RASEF: variants seen among roughly 807,000 people sequenced by gnomAD.
RASEF encodes ras and EF-hand domain-containing protein.
Under a neutral mutation model 90.1 loss-of-function variants are expected in RASEF, and 68 were observed. That is an observed-to-expected ratio of 0.75 (90% CI 0.62 to 0.92). The LOEUF (loss-of-function observed/expected upper bound fraction) is 0.92. Among genes scored for constraint, RASEF ranks in the 40% least tolerant of loss-of-function variants. The pLI, the probability that RASEF is intolerant of heterozygous loss-of-function variation, is 0.00. For missense variants in RASEF, 949 were observed against 937.2 expected (o/e 1.01, Z -0.16); for synonymous variants, 331 against 345.2 (o/e 0.96, Z 0.46).
rs1433728029 is a variant in RASEF, at chr9:82,981,420, CAT to C, written c.*1255_*1256del. On this transcript the variant is annotated 3_prime_UTR_variant, in exon 17 of 17. Transcript: ENST00000376447. ...TCTTTCAAGGATATTATTTCAAAACCATGCATAGAATTTCTTTCATTGATTAT... is the reference window on the plus strand; with the variant it reads ...TCTTTCAAGGATATTATTTCAAAACCGCATAGAATTTCTTTCATTGATTAT... 1 of 152,158 alleles carries C rather than the reference CAT, an allele frequency of 6.6e-6. No homozygotes were observed. Among genetic ancestry groups the C allele is most frequent in the Non-Finnish European group, 1.5e-5 (1 of 68,042 alleles). The allele number at this position is 152,158 out of a possible 1,614,324, so 9.4% of individuals were successfully genotyped here. A position where few individuals can be genotyped will look rare whatever the true frequency, so the allele number is the denominator to read the frequency against.
At chr9:83,160,263 G>A in the RASEF span, among the ~76,000 whole-genome samples, 2 of 152,180 alleles carry the variant, frequency 1.3e-5, no homozygotes, top group Non-Finnish European at 2.9e-5. Context: ...GAACTCCCTA[G>A]AGACTTGTTG....
At chr9:83,176,312 A>G in the RASEF span, among the ~76,000 whole-genome samples, 2 of 152,138 alleles carry the variant, frequency 1.3e-5, no homozygotes, top group African/African-American at 2.4e-5. Context: ...TAGCCACTCT[A>G]GCTTTCTTGT....
At chr9:82,984,549 C>G (rs1828677283) in intron 16 of RASEF, among the ~76,000 whole-genome samples, 2 of 152,178 alleles carry the variant, frequency 1.3e-5, no homozygotes, top group African/African-American at 4.8e-5. Context: ...CAGACACACA[C>G]ACCCGACAGG....
chr9:83,168,357 GT>G, the RASEF span, among the ~76,000 whole-genome samples: 120 of 151,998 alleles, frequency 7.9e-4, no homozygotes, highest in African/African-American at 2.8e-3. Context: ...GTTATTTGTG[GT>G]TTTTTTATTT....
Position 83,012,401 on chromosome 9 carries a change from G to T in RASEF, c.843+33C>A, listed in dbSNP as rs778652559. 6 of 1,180,156 alleles carry T rather than the reference G, an allele frequency of 5.1e-6. No individual in the cohort carries two copies. In the East Asian group the frequency reaches 8.0e-5, roughly 16 times the overall value. The allele number at this position is 1,180,156 out of a possible 1,614,324, so 73.1% of individuals were successfully genotyped here. On this transcript the variant is annotated intron_variant, in intron 5 of 16. Coordinates refer to ENST00000376447, the MANE Select transcript of RASEF (RefSeq NM_152573.4). ...GCATGAGGATGTGGTCTAACAGGAA[G>T]TGCATTTCTGTAAGTGAAAAGGTAA...
At chr9:83,181,525 G>A in the RASEF span, among the ~76,000 whole-genome samples, 2,380 of 152,240 alleles carry the variant, frequency 0.016, 68 homozygotes, top group African/African-American at 0.055. Flanking sequence ...GACCTAAAGC[G>A]GGGATTAGGA....
chr9:83,193,901 T>A, the RASEF span, among the ~76,000 whole-genome samples: 1 of 152,070 alleles, frequency 6.6e-6, no homozygotes, highest in African/African-American at 2.4e-5. Flanking sequence ...GATCAAGGAG[T>A]CAGCCTATGA....
chr9:83,025,210 T>G (rs72740865), intron 2 of RASEF, among the ~76,000 whole-genome samples: 5,805 of 152,168 alleles, frequency 0.038, 156 homozygotes, highest in Non-Finnish European at 0.052. Context: ...GGCTTTCAGT[T>G]CAAAGGGGGA....
chr9:83,052,508 T>C (rs199968000), intron 1 of RASEF, among the ~76,000 whole-genome samples: 17,830 of 35,902 alleles, frequency 0.5, 4,483 homozygotes, highest in East Asian at 0.7. Context: ...CTGGATTCAT[T>C]GATTTTTTGA....
rs377118496 is a variant in RASEF at position 82,982,735 on chromosome 9, T to C, written c.2165A>G (p.Asn722Ser). The change falls in exon 17 of 17, where the codon AAT becomes AGT. Residue 722 changes from asparagine (N) to serine (S), a missense_variant. Physicochemically the swap from Asn to Ser is conservative, Grantham distance 46 (BLOSUM62 1). Around this residue, in one of 3 missense-constraint regions of RASEF, gnomAD observed 288 missense variants for 328.4 expected, o/e 0.88. Transcript: ENST00000376447. ...CTTTTTGGAATTGGTCCCGGTTAGA[T>C]TGGTAATGGATCTGCTGTCATCCTT... ...TDKDDSRSIT[N>S]LTGTNSKKSP... is the part of the protein sequence containing the mutation. 62 of 1,611,166 alleles carry C rather than the reference T, an allele frequency of 3.8e-5. No individual in the cohort carries two copies. Among genetic ancestry groups the C allele is most frequent in the Non-Finnish European group, 3.4e-5 (40 of 1,177,610 alleles).
At position 82,992,902 on chromosome 9, in the gene RASEF, T is replaced by A. The variant is rs1368137511; in HGVS notation, c.2040+4A>T. The A allele has an allele frequency of 1.2e-6, 2 of 1,613,494 alleles. No individual in the cohort carries two copies. ...TTCTAATTCTGAGGCATCCTCACTC[T>A]TACCATGGCCAGTTTCTCTCCAAAG... On this transcript the variant is annotated splice_donor_region_variant and intron_variant, in intron 15 of 16. Transcript: ENST00000376447.
At chr9:83,162,723 C>T in the RASEF span, among the ~76,000 whole-genome samples, 2 of 152,086 alleles carry the variant, frequency 1.3e-5, no homozygotes, top group Non-Finnish European at 2.9e-5. Flanking sequence ...ATAGAGAGTC[C>T]CAGCTTCTTC....
chr9:82,986,446 G>A (rs998100916), intron 16 of RASEF, among the ~76,000 whole-genome samples: 1 of 152,160 alleles, frequency 6.6e-6, no homozygotes, highest in African/African-American at 2.4e-5. Flanking sequence ...CATAGCATGG[G>A]GCTATGCACG....
At chr9:83,008,827 C>T (rs1829178152) in intron 6 of RASEF, among the ~76,000 whole-genome samples, 1 of 144,818 alleles carries the variant, frequency 6.9e-6, no homozygotes, top group Admixed American at 7.0e-5. Context: ...TATTTTTTAG[C>T]TCTTCTGTTG....
At chr9:83,104,319 A>G in the RASEF span, among the ~76,000 whole-genome samples, 1,533 of 152,302 alleles carry the variant, frequency 0.01, 21 homozygotes, top group Non-Finnish European at 0.012. Flanking sequence ...TCCTTAAAAA[A>G]AATCCATGAA....
chr9:83,134,449 C>CACACACACATAT, the RASEF span, among the ~76,000 whole-genome samples: 1 of 139,322 alleles, frequency 7.2e-6, no homozygotes, highest in South Asian at 2.2e-4. Flanking sequence ...CACACACACA[C>CACACACACATAT]ATATATATAT....
At chr9:83,118,269 TAA>T in the RASEF span, among the ~76,000 whole-genome samples, 1 of 147,314 alleles carries the variant, frequency 6.8e-6, no homozygotes, top group African/African-American at 2.5e-5. Context: ...GCTGAAAGTT[TAA>T]AAAAAAAAAG....
chr9:83,036,371 G>A (rs1485328762), intron 1 of RASEF, among the ~76,000 whole-genome samples: 1 of 152,208 alleles, frequency 6.6e-6, no homozygotes, highest in Non-Finnish European at 1.5e-5. Flanking sequence ...CAGCCGTGTG[G>A]TCAAGTCAGT....
At chr9:83,147,942 T>C in the RASEF span, among the ~76,000 whole-genome samples, 2 of 152,050 alleles carry the variant, frequency 1.3e-5, no homozygotes, top group Non-Finnish European at 2.9e-5. Flanking sequence ...CCTTCTCTGC[T>C]GTGCTGCTCT....
Sources: gnomAD v4.1 joint callset for allele counts (sites outside exome capture counted in the v4.1 genomes callset) on GRCh38, gnomAD v4.1.1 for gene constraint, gnomAD v4.1.1 regional missense constraint, MANE v1.5 for transcripts, NCBI Gene and HGNC (gene_info 2026-07-23, HGNC 2026-07-21) for gene names.